The following PTPRD variants were observed in gnomAD, a reference collection of about 807,000 sequenced individuals.
PTPRD encodes receptor-type tyrosine-protein phosphatase delta.
Under a neutral mutation model 214.5 loss-of-function variants are expected in PTPRD, and 34 were observed. That is an observed-to-expected ratio of 0.16 (90% confidence interval 0.12 to 0.21). PTPRD has a LOEUF of 0.21. PTPRD is among the 10% of genes least tolerant of loss of function. The probability of loss-of-function intolerance (pLI) is 1.00; values close to 1 mark genes in which losing one functional copy is unlikely to be tolerated. For missense variants in PTPRD, 2,545 were observed against 2,398.7 expected, an observed-to-expected ratio of 1.06 and a Z score of -1.27; for synonymous variants, 1,128 against 845.7, an observed-to-expected ratio of 1.33 and a Z score of -5.79.
intron 10 of PTPRD, among the ~76,000 whole-genome samples, chr9:9,048,296 G>C (rs2099677355): frequency 6.6e-6 from 1 of 152,126 alleles, no homozygotes; most frequent in Non-Finnish European, 1.5e-5. Context: ...CAATCCTGCT[G>C]CTGGGGTATA....
At chr9:8,441,119 A>G (rs772482829) in intron 34 of PTPRD, among the ~76,000 whole-genome samples, 2 of 152,152 alleles carry the variant, frequency 1.3e-5, no homozygotes, top group Non-Finnish European at 2.9e-5. Flanking sequence ...ACATTTTCAC[A>G]CACAGAAAAT....
intron 2 of PTPRD, among the ~76,000 whole-genome samples, chr9:10,389,462 C>T (rs1281984887): frequency 6.6e-6 from 1 of 151,842 alleles, no homozygotes; most frequent in African/African-American, 2.4e-5. Flanking sequence ...GCCAGCAATC[C>T]ACACACAGTA....
At chr9:9,551,907 A>T (rs944556761) in intron 8 of PTPRD, among the ~76,000 whole-genome samples, 3 of 152,000 alleles carry the variant, frequency 2.0e-5, no homozygotes, top group African/African-American at 7.2e-5. Flanking sequence ...TGAATTAAAG[A>T]CATGCAGAAA....
chr9:8,710,003 A>C lies in PTPRD; in HGVS notation c.64+23777T>G, dbSNP rs577048455. On this transcript the variant is annotated intron_variant, in intron 12 of 45. Transcript: ENST00000381196. Reference sequence around the variant, plus strand: ...GCGAACAACTACGGACAAATTACTTAACCCCTCCAAACTACAATTTACCCT... The same window carrying C: ...GCGAACAACTACGGACAAATTACTTCACCCCTCCAAACTACAATTTACCCT... 3.9e-4 allele frequency among the ~76,000 whole-genome samples: 60 copies of C among 152,342 alleles called. No homozygotes were observed. The South Asian group carries it at 5.4e-3, about 14-fold the overall frequency.
At chr9:8,851,159 G>A (rs1052574725) in intron 11 of PTPRD, among the ~76,000 whole-genome samples, 4 of 151,376 alleles carry the variant, frequency 2.6e-5, no homozygotes, top group African/African-American at 9.7e-5. Flanking sequence ...AGCTGCACTG[G>A]GCAAAAGTCT....
chr9:10,018,496 T>C (rs1171402480), intron 4 of PTPRD, among the ~76,000 whole-genome samples: 2 of 150,900 alleles, frequency 1.3e-5, no homozygotes, highest in Non-Finnish European at 3.0e-5. Flanking sequence ...TTCTCAAATA[T>C]ACCATTACTC....
intron 4 of PTPRD, among the ~76,000 whole-genome samples, chr9:10,018,630 C>G (rs2154116522): frequency 7.7e-6 from 1 of 129,366 alleles, no homozygotes. Context: ...TCACTGCAAG[C>G]TCCGCCTCCC....
At chr9:10,345,834 C>A (rs192750285) in intron 2 of PTPRD, among the ~76,000 whole-genome samples, 1 of 152,164 alleles carries the variant, frequency 6.6e-6, no homozygotes, top group Non-Finnish European at 1.5e-5. Context: ...CTTGAACAAT[C>A]GCCACATGTC....
chr9:10,053,716 TATG>T (rs1298978161), intron 3 of PTPRD, among the ~76,000 whole-genome samples: 1 of 152,144 alleles, frequency 6.6e-6, no homozygotes, highest in African/African-American at 2.4e-5. Flanking sequence ...ACTAGAAAGC[TATG>T]ATATTAGTTC....
In PTPRD at chr9:10,557,680, T is replaced by G. The variant is rs772053843; in HGVS notation, c.-600+54718A>C. ...TGATGGGCTCAGCTTAGATTAAATG[T>G]TTACCCCTGGACCAGTCTACTGCAG... On this transcript the variant is annotated intron_variant, in intron 2 of 45. Coordinates refer to ENST00000381196, the MANE Select transcript of PTPRD (RefSeq NM_002839.4). Among the ~76,000 whole-genome samples, 183 of 152,202 alleles carry G rather than the reference T, an allele frequency of 1.2e-3. 1 individual carries two copies. The highest frequency in any genetic ancestry group is 2.1e-3 in the Non-Finnish European group (146 of 67,996).
At chr9:8,942,478 T>G (rs563053829) in intron 11 of PTPRD, among the ~76,000 whole-genome samples, 18 of 152,260 alleles carry the variant, frequency 1.2e-4, no homozygotes, top group Non-Finnish European at 1.8e-4. Flanking sequence ...GGACTTGCAG[T>G]TAGTGATGAG....
chr9:9,617,897 C>T (rs531080434), intron 7 of PTPRD, among the ~76,000 whole-genome samples: 1 of 151,008 alleles, frequency 6.6e-6, no homozygotes, highest in South Asian at 2.1e-4. Context: ...ATGGTGAAAC[C>T]CTGTCTCTAC....
intron 39 of PTPRD, among the ~76,000 whole-genome samples, chr9:8,369,397 CAA>C (rs2080868360): frequency 6.6e-6 from 1 of 151,870 alleles, no homozygotes; most frequent in Non-Finnish European, 1.5e-5. Context: ...CTTCCATATG[CAA>C]AGTCAAAAAG....
At chr9:9,300,552 T>G (rs889949090) in intron 9 of PTPRD, among the ~76,000 whole-genome samples, 1 of 151,694 alleles carries the variant, frequency 6.6e-6, no homozygotes, top group Non-Finnish European at 1.5e-5. Flanking sequence ...TAGTAGGAGG[T>G]TGGGCTTCTG....
intron 3 of PTPRD, among the ~76,000 whole-genome samples, chr9:10,164,458 T>C (rs2099146951): frequency 6.6e-6 from 1 of 151,476 alleles, no homozygotes; most frequent in Non-Finnish European, 1.5e-5. Context: ...TTCCATTGAG[T>C]TTGTTTGATG....
chr9:10,273,623 C>T (rs898501548), intron 3 of PTPRD, among the ~76,000 whole-genome samples: 1 of 152,026 alleles, frequency 6.6e-6, no homozygotes, highest in Non-Finnish European at 1.5e-5. Context: ...ATATGCAATC[C>T]ACAGTACAGA....
chr9:10,193,447 G>C (rs1258345089), intron 3 of PTPRD, among the ~76,000 whole-genome samples: 1 of 152,004 alleles, frequency 6.6e-6, no homozygotes, highest in African/African-American at 2.4e-5. Flanking sequence ...GAGAGGTCGA[G>C]AGTTAAATAA....
At chr9:9,106,417 G>C (rs953374932) in intron 10 of PTPRD, among the ~76,000 whole-genome samples, 3 of 151,638 alleles carry the variant, frequency 2.0e-5, no homozygotes, top group African/African-American at 7.3e-5. Context: ...ATCCATAAGA[G>C]TTATGATCCT....
chr9:9,971,369 C>A (rs546056412), intron 4 of PTPRD, among the ~76,000 whole-genome samples: 48 of 152,050 alleles, frequency 3.2e-4, no homozygotes, highest in Non-Finnish European at 5.4e-4. Context: ...ATAGATGAAG[C>A]AACTTAGATG....
Sources: gnomAD v4.1 joint callset for allele counts (sites outside exome capture counted in the v4.1 genomes callset) on GRCh38, gnomAD v4.1.1 for gene constraint, MANE v1.5 for transcripts, NCBI Gene and HGNC (gene_info 2026-07-23, HGNC 2026-07-21) for gene names.